Variants in NRXN1 observed in about 807,000 individuals in gnomAD.
NRXN1 encodes the protein neurexin 1, also known as neurexin-1.
NRXN1 carries 39 observed loss-of-function variants against 150.9 expected under a neutral mutation model. The ratio of observed to expected loss-of-function variants is 0.26; its 90% CI spans 0.20 to 0.34. The LOEUF is 0.34. Among genes scored for constraint, NRXN1 ranks in the 10% least tolerant of loss-of-function variants. The pLI, the probability that NRXN1 is intolerant of heterozygous loss-of-function variation, is 1.00. For synonymous variants in NRXN1, 924 were observed against 757.0 expected (o/e 1.22, Z -3.62); for missense variants, 1,815 against 1,949.9 (o/e 0.93, Z 1.30).
At chr2:50,942,299 C>A (rs1425189772) in intron 2 of NRXN1, among the ~76,000 whole-genome samples, 1 of 152,148 alleles carries the variant, frequency 6.6e-6, no homozygotes, top group Non-Finnish European at 1.5e-5. Context: ...TAGGGCAATG[C>A]AGAGAGGAAA....
chr2:50,728,177 C>A (rs952525816), intron 5 of NRXN1, among the ~76,000 whole-genome samples: 1 of 152,104 alleles, frequency 6.6e-6, no homozygotes, highest in South Asian at 2.1e-4. Context: ...ACTTCTTCAT[C>A]TTATTATAGA....
intron 19 of NRXN1, among the ~76,000 whole-genome samples, chr2:50,073,582 C>A (rs1696614085): frequency 6.6e-6 from 1 of 152,140 alleles, no homozygotes; most frequent in Non-Finnish European, 1.5e-5. Context: ...TAGGTAGTCA[C>A]AGTAGTGCTC....
At chr2:50,942,670 T>C (rs1689652965) in intron 2 of NRXN1, among the ~76,000 whole-genome samples, 1 of 152,190 alleles carries the variant, frequency 6.6e-6, no homozygotes, top group South Asian at 2.1e-4. Flanking sequence ...ATTCCTCCCA[T>C]TTGGAAAGGG....
intron 10 of NRXN1, among the ~76,000 whole-genome samples, chr2:50,532,316 T>C (rs1056790052): frequency 3.9e-5 from 6 of 151,988 alleles, no homozygotes; most frequent in Non-Finnish European, 7.4e-5. Flanking sequence ...GTCATCATTT[T>C]TTTTTCATAA....
intron 18 of NRXN1, among the ~76,000 whole-genome samples, chr2:50,164,413 C>G (rs2059550206): frequency 6.6e-6 from 1 of 152,060 alleles, no homozygotes; most frequent in South Asian, 2.1e-4. Context: ...CAGAGAAGAC[C>G]ATAAGAAATA....
chr2:50,216,958 T>C (rs960407044), intron 18 of NRXN1, among the ~76,000 whole-genome samples: 1 of 152,118 alleles, frequency 6.6e-6, no homozygotes, highest in African/African-American at 2.4e-5. Context: ...ACCTATTTAA[T>C]GTTTTGTCAG....
intron 17 of NRXN1, among the ~76,000 whole-genome samples, chr2:50,263,111 C>G (rs942603443): frequency 1.3e-5 from 2 of 151,326 alleles, no homozygotes; most frequent in Non-Finnish European, 2.9e-5. Flanking sequence ...TAATTGGAGA[C>G]TACATGGCAA....
intron 22 of NRXN1, among the ~76,000 whole-genome samples, chr2:49,936,837 C>G (rs954865287): frequency 2.0e-5 from 3 of 151,936 alleles, no homozygotes; most frequent in African/African-American, 7.3e-5. Context: ...CACACACACA[C>G]ACACATATGA....
intron 22 of NRXN1, among the ~76,000 whole-genome samples, chr2:49,932,008 T>C (rs1248077200): frequency 6.6e-6 from 1 of 152,214 alleles, no homozygotes. Flanking sequence ...ACCTGGTTTA[T>C]AGTAAGACAA....
At chr2:50,330,157 T>C (rs2152983952) in intron 17 of NRXN1, among the ~76,000 whole-genome samples, 1 of 152,208 alleles carries the variant, frequency 6.6e-6, no homozygotes, top group East Asian at 1.9e-4. Context: ...CAATACAGTC[T>C]GCACAGTAGG....
Position 50,829,999 on chromosome 2 carries a change from G to GGAAAAAAAAAA in NRXN1, c.832+91869_832+91870insTTTTTTTTTTC, listed in dbSNP as rs1425873902. Reference sequence around the variant, plus strand: ...GGAACCCAAAGAATACTGCCTGCTGGAAAAAAAAAAAAAAAAAAAAAAAAA... The same window carrying GGAAAAAAAAAA: ...GGAACCCAAAGAATACTGCCTGCTGGGAAAAAAAAAAAAAAAAAAAAAAAAAAAAAAAAAAA... On this transcript the variant is annotated intron_variant, in intron 5 of 22. Coordinates refer to ENST00000401669, the MANE Select transcript of NRXN1 (RefSeq NM_001330078.2). Among the ~76,000 whole-genome samples, 30 of 58,180 alleles carry GGAAAAAAAAAA rather than the reference G, an allele frequency of 5.2e-4. No individual in the cohort carries two copies. In the East Asian group the frequency reaches 0.013, roughly 25 times the overall value. 38.2% of individuals were successfully genotyped at this position (58,180 alleles called of 152,430 possible). A position where few individuals can be genotyped will look rare whatever the true frequency, so the allele number is the denominator to read the frequency against.
intron 17 of NRXN1, among the ~76,000 whole-genome samples, chr2:50,292,149 G>A (rs768551284): frequency 3.9e-5 from 6 of 152,142 alleles, no homozygotes; most frequent in Non-Finnish European, 8.8e-5. Flanking sequence ...ATTGCTATTA[G>A]TAAAGGAGGT....
intron 17 of NRXN1, among the ~76,000 whole-genome samples, chr2:50,371,736 C>A (rs1381735512): frequency 6.8e-6 from 1 of 147,560 alleles, no homozygotes; most frequent in Admixed American, 6.8e-5. Flanking sequence ...TCAAAATGTC[C>A]CTCAACATAG....
chr2:50,709,929 T>C (rs958923368), intron 5 of NRXN1, among the ~76,000 whole-genome samples: 1 of 152,164 alleles, frequency 6.6e-6, no homozygotes, highest in African/African-American at 2.4e-5. Flanking sequence ...TCCCCAGAAA[T>C]GCATTCCAGA....
intron 2 of NRXN1, among the ~76,000 whole-genome samples, chr2:51,020,248 T>C (rs1202784285): frequency 6.6e-6 from 1 of 151,792 alleles, no homozygotes; most frequent in Non-Finnish European, 1.5e-5. Context: ...AGATTAGTTG[T>C]ATCTGTTTTA....
chr2:51,017,904 T>C (rs1476042643), intron 2 of NRXN1, among the ~76,000 whole-genome samples: 1 of 152,106 alleles, frequency 6.6e-6, no homozygotes, highest in African/African-American at 2.4e-5. Context: ...ACTATAGTCA[T>C]ATGCTGCCAT....
At chr2:50,606,699 G>T (rs1677188180) in intron 8 of NRXN1, among the ~76,000 whole-genome samples, 1 of 151,672 alleles carries the variant, frequency 6.6e-6, no homozygotes. Flanking sequence ...CTTTTCCCAA[G>T]CCACCCATCA....
chr2:50,595,221 T>A (rs1224867016), intron 8 of NRXN1, among the ~76,000 whole-genome samples: 2 of 150,628 alleles, frequency 1.3e-5, no homozygotes, highest in Non-Finnish European at 3.0e-5. Flanking sequence ...GAAAGAGGAG[T>A]TTTTCTTAGG....
At chr2:50,390,653 T>C (rs1318553130) in intron 17 of NRXN1, among the ~76,000 whole-genome samples, 1 of 152,064 alleles carries the variant, frequency 6.6e-6, no homozygotes, top group Non-Finnish European at 1.5e-5. Context: ...TATGGATCTT[T>C]CCTCATAAAT....
Sources: allele counts gnomAD v4.1 joint callset (sites outside exome capture counted in the v4.1 genomes callset), GRCh38; gene constraint gnomAD v4.1.1; transcripts MANE v1.5; gene names NCBI Gene and HGNC (gene_info 2026-07-23, HGNC 2026-07-21).